SLC22A23: variants seen among roughly 807,000 people sequenced by gnomAD.
SLC22A23 encodes the protein ion transporter protein.
Under a neutral mutation model 61.0 loss-of-function variants are expected in SLC22A23, and 26 were observed. That is an observed-to-expected ratio of 0.43 (90% CI 0.31 to 0.59). The LOEUF (loss-of-function observed/expected upper bound fraction) is 0.59, where lower values mean the gene tolerates loss of function less well. Ranked by LOEUF, SLC22A23 falls within the 20% of genes least tolerant of loss-of-function variation. The probability of loss-of-function intolerance (pLI) is 0.11; values close to 1 mark genes in which losing one functional copy is unlikely to be tolerated. For synonymous variants in SLC22A23, 430 were observed against 413.9 expected (o/e 1.04, Z -0.47); for missense variants, 796 against 934.7 (o/e 0.85, Z 1.94).
At position 3,328,985 on chromosome 6, in the gene SLC22A23, A is replaced by G. The variant is rs1174679826; in HGVS notation, c.914-4983T>C. ...GGACCAGGTCCCAGCCTCACAGGGCACTGCCAAGCTCAAGGGACCGTCTGT... is the reference window on the plus strand; with the variant it reads ...GGACCAGGTCCCAGCCTCACAGGGCGCTGCCAAGCTCAAGGGACCGTCTGT... On this transcript the variant is annotated intron_variant, in intron 3 of 9. Transcript: ENST00000406686. This position sits in a 1 kb window ranked among gnomAD's most constrained non-coding sequence, Gnocchi z 5.0. Among the ~76,000 whole-genome samples, 1 of 151,924 alleles carries G rather than the reference A, an allele frequency of 6.6e-6. No homozygotes were observed. The highest frequency in any genetic ancestry group is 1.5e-5 in the Non-Finnish European group (1 of 68,004).
Position 3,318,160 on chromosome 6 carries a change from C to A in SLC22A23, c.1082+5674G>T, listed in dbSNP as rs1316278669. 1.3e-5 allele frequency among the ~76,000 whole-genome samples: 2 copies of A among 152,184 alleles called. No homozygotes were observed. Among genetic ancestry groups the A allele is most frequent in the Non-Finnish European group, 2.9e-5 (2 of 68,036 alleles). On this transcript the variant is annotated intron_variant, in intron 4 of 9. Coordinates refer to ENST00000406686, the MANE Select transcript of SLC22A23 (RefSeq NM_015482.2). The surrounding 1 kb of genome is among the most constrained non-coding windows in gnomAD (Gnocchi z 4.3). ...TTCATTCCAGAACTCTGCAACCCTGCGGCTGCTGCCTATTAACCAAGCCTT... is the reference window on the plus strand; with the variant it reads ...TTCATTCCAGAACTCTGCAACCCTGAGGCTGCTGCCTATTAACCAAGCCTT...
At chr6:3,335,738 C>A (rs927695036) in intron 3 of SLC22A23, among the ~76,000 whole-genome samples, 2 of 152,154 alleles carry the variant, frequency 1.3e-5, no homozygotes, top group East Asian at 3.9e-4. Flanking sequence ...TGGCAAAAAC[C>A]GTAATTACTT....
intron 4 of SLC22A23, among the ~76,000 whole-genome samples, chr6:3,307,560 T>C (rs976243481): frequency 1.1e-4 from 17 of 152,226 alleles, no homozygotes; most frequent in Non-Finnish European, 2.2e-4. Context: ...TGCAGGATAG[T>C]CATATGCTGG....
intron 1 of SLC22A23, among the ~76,000 whole-genome samples, chr6:3,437,558 A>T (rs187121121): frequency 3.3e-5 from 5 of 151,392 alleles, no homozygotes; most frequent in Admixed American, 2.6e-4. Flanking sequence ...GTGTGGTGGC[A>T]GGCGCCTGTA....
At chr6:3,453,226 CATTTT>C (rs907535005) in intron 1 of SLC22A23, among the ~76,000 whole-genome samples, 1 of 152,116 alleles carries the variant, frequency 6.6e-6, no homozygotes, top group Non-Finnish European at 1.5e-5. Flanking sequence ...ATTGAAAACA[CATTTT>C]ATTTAAGAAA....
intron 3 of SLC22A23, among the ~76,000 whole-genome samples, chr6:3,393,399 G>C (rs1767793583): frequency 6.6e-6 from 1 of 152,190 alleles, no homozygotes; most frequent in Admixed American, 6.5e-5. Context: ...GGTTTTAAAT[G>C]ACAAATTCAG....
At chr6:3,305,665 A>G (rs1482865693) in intron 4 of SLC22A23, among the ~76,000 whole-genome samples, 2 of 152,238 alleles carry the variant, frequency 1.3e-5, no homozygotes, top group East Asian at 3.8e-4. Context: ...ACTTGGGAGG[A>G]ATAGAGCTGA....
chr6:3,443,963 C>T lies in SLC22A23; in HGVS notation c.654+11943G>A, dbSNP rs559551333. 1.1e-4 allele frequency among the ~76,000 whole-genome samples: 16 copies of T among 152,340 alleles called. No individual in the cohort carries two copies. The South Asian group carries it at 3.3e-3, about 32-fold the overall frequency. On this transcript the variant is annotated intron_variant, in intron 1 of 9. Coordinates refer to ENST00000406686, the MANE Select transcript of SLC22A23 (RefSeq NM_015482.2). ...CACTCCCCACCCCACTTTGTGATCT[C>T]AGATCCCACCTTCCACCTGCTGCCC...
At position 3,322,987 on chromosome 6, in the gene SLC22A23, A is replaced by T. The variant is rs963846073; in HGVS notation, c.1082+847T>A. ...ATAAAAAGGTAAAAGTATCATTTTT[A>T]GGGTCAACATCTCTCTATCCGTGGA... On this transcript the variant is annotated intron_variant, in intron 4 of 9. Coordinates refer to ENST00000406686, the MANE Select transcript of SLC22A23 (RefSeq NM_015482.2). This position sits in a 1 kb window ranked among gnomAD's most constrained non-coding sequence, Gnocchi z 4.1. Among the ~76,000 whole-genome samples the T allele has an allele frequency of 1.3e-5, 2 of 152,190 alleles. No homozygotes were observed. The highest frequency in any genetic ancestry group is 4.8e-5 in the African/African-American group (2 of 41,448).
chr6:3,285,144 A>T (rs543159228), intron 7 of SLC22A23, 33 bp from the exon 8 acceptor site: 7 of 1,612,844 alleles, frequency 4.3e-6, no homozygotes, highest in Non-Finnish European at 5.9e-6. Flanking sequence ...ACCCACACGG[A>T]CAAGGGCCAA....
rs556074070 is a variant in SLC22A23 at position 3,360,874 on chromosome 6, C to T, written c.914-36872G>A. On this transcript the variant is annotated intron_variant, in intron 3 of 9. Transcript: ENST00000406686. This position sits in a 1 kb window ranked among gnomAD's most constrained non-coding sequence, Gnocchi z 4.6. Reference sequence around the variant, plus strand: ...GGATTGGACGAAGCCTTCCCTCGGGCAAAGATGCTGGGGTGGGGAACAGGT... The same window carrying T: ...GGATTGGACGAAGCCTTCCCTCGGGTAAAGATGCTGGGGTGGGGAACAGGT... 2.1e-4 allele frequency among the ~76,000 whole-genome samples: 32 copies of T among 152,278 alleles called. No individual in the cohort carries two copies. The South Asian group carries it at 5.6e-3, about 27-fold the overall frequency.
chr6:3,351,279 G>A (rs558254877), intron 3 of SLC22A23, among the ~76,000 whole-genome samples: 14 of 152,362 alleles, frequency 9.2e-5, no homozygotes, highest in South Asian at 8.3e-4. Context: ...CATTCTAGCC[G>A]GATGGCCCTT....
At chr6:3,389,459 G>A (rs1006683099) in intron 3 of SLC22A23, among the ~76,000 whole-genome samples, 1 of 152,180 alleles carries the variant, frequency 6.6e-6, no homozygotes, top group Non-Finnish European at 1.5e-5. Flanking sequence ...AATTAGAGTA[G>A]GAGACTGTGA....
chr6:3,436,763 A>C (rs947164680), intron 1 of SLC22A23, among the ~76,000 whole-genome samples: 14 of 152,206 alleles, frequency 9.2e-5, no homozygotes, highest in African/African-American at 3.4e-4. Context: ...CTGTGCACAA[A>C]GTATCAGCTC....
Position 3,431,443 on chromosome 6 carries a change from T to C in SLC22A23, c.655-15588A>G, listed in dbSNP as rs116749817. ...AAAGGGAGGGAGGGCTGTTAAAGGT[T>C]CAGCCTTTCAAAACCATCTATGGGT... On this transcript the variant is annotated intron_variant, in intron 1 of 9. Coordinates refer to ENST00000406686, the MANE Select transcript of SLC22A23 (RefSeq NM_015482.2). Among the ~76,000 whole-genome samples, 1,337 of 152,290 alleles carry C rather than the reference T, an allele frequency of 8.8e-3. 29 individuals carry two copies. The highest frequency in any genetic ancestry group is 0.031 in the African/African-American group (1,273 of 41,550).
intron 4 of SLC22A23, among the ~76,000 whole-genome samples, chr6:3,301,942 A>G (rs1761642223): frequency 6.6e-6 from 1 of 152,258 alleles, no homozygotes; most frequent in Admixed American, 6.5e-5. Context: ...CCTTCAAGAT[A>G]AAGCCCTTGT....
At chr6:3,383,276 T>C (rs1767068888) in intron 3 of SLC22A23, among the ~76,000 whole-genome samples, 1 of 151,326 alleles carries the variant, frequency 6.6e-6, no homozygotes, top group Admixed American at 6.6e-5. Context: ...TGTTTATGCA[T>C]ACTAACAGAT....
intron 3 of SLC22A23, among the ~76,000 whole-genome samples, chr6:3,405,618 A>ATTTT (rs546024248): frequency 2.8e-5 from 4 of 144,366 alleles, no homozygotes; most frequent in African/African-American, 7.7e-5. Context: ...GCTCAGTCAA[A>ATTTT]TTTTTTTTTT....
intron 3 of SLC22A23, among the ~76,000 whole-genome samples, chr6:3,374,091 C>T (rs1485062351): frequency 6.6e-6 from 1 of 152,226 alleles, no homozygotes; most frequent in Non-Finnish European, 1.5e-5. Context: ...ACCATTATAT[C>T]ATACTACCTC....
Sources: gnomAD v4.1 joint callset for allele counts (sites outside exome capture counted in the v4.1 genomes callset) on GRCh38, gnomAD v4.1.1 for gene constraint, Gnocchi (gnomAD v3.1) non-coding constraint, MANE v1.5 for transcripts, NCBI Gene and HGNC (gene_info 2026-07-23, HGNC 2026-07-21) for gene names.